The following SNX1 variants were observed in gnomAD, a reference collection of about 807,000 sequenced individuals.
The protein encoded by SNX1 is sorting nexin 1.
A neutral mutation model predicts 71.8 loss-of-function variants in SNX1; 36 were observed. The ratio of observed to expected loss-of-function variants is 0.50; its 90% CI spans 0.38 to 0.66. The LOEUF is 0.66. Among genes scored for constraint, SNX1 ranks in the 30% least tolerant of loss-of-function variants. The pLI, the probability that SNX1 is intolerant of heterozygous loss-of-function variation, is 0.00. For synonymous variants in SNX1, 254 were observed against 240.7 expected, an observed-to-expected ratio of 1.06 and a Z score of -0.51; for missense variants, 612 against 646.7, an observed-to-expected ratio of 0.95 and a Z score of 0.58.
chr15:64,128,204 C>A (rs563504459), intron 8 of SNX1, among the ~76,000 whole-genome samples: 2 of 152,208 alleles, frequency 1.3e-5, no homozygotes, highest in Non-Finnish European at 2.9e-5. Flanking sequence ...TAGACAGTCT[C>A]TTTCACAGGC....
At position 64,140,323 on chromosome 15, in the gene SNX1, G is replaced by A. The variant is rs1249589962; in HGVS notation, c.*2705G>A. The A allele has an allele frequency of 6.6e-6, 1 of 152,180 alleles. No homozygotes were observed. The highest frequency in any genetic ancestry group is 1.5e-5 in the Non-Finnish European group (1 of 68,032). The allele number at this position is 152,180 out of a possible 1,614,324, so 9.4% of individuals were successfully genotyped here. A position where few individuals can be genotyped will look rare whatever the true frequency, so the allele number is the denominator to read the frequency against. ...ACTTGTTTATCAATATGGATGCAGG[G>A]ATTCCTGTTTTACTCAGAGTTGCAA... On this transcript the variant is annotated 3_prime_UTR_variant, in exon 15 of 15. Transcript: ENST00000559844.
chr15:64,111,549 C>A (rs762493647), intron 1 of SNX1: 1 of 152,184 alleles, frequency 6.6e-6, no homozygotes, highest in Non-Finnish European at 1.5e-5. Flanking sequence ...ATTGAGATAA[C>A]TCACTACCTT....
Position 64,134,677 on chromosome 15 carries a change from A to G in SNX1, c.1235A>G (p.Gln412Arg), listed in dbSNP as rs1469342280. 1 of 1,612,232 alleles carries G rather than the reference A, an allele frequency of 6.2e-7. No homozygotes were observed. The highest frequency in any genetic ancestry group is 1.7e-5 in the Admixed American group (1 of 59,946). ...LLAIVRAAFD[Q>R]RMKTWQRWQD... ...CCACCCCCACAGGCTGCCTTCGACCAGCGCATGAAGACATGGCAGCGCTGG... is the reference window on the plus strand; with the variant it reads ...CCACCCCCACAGGCTGCCTTCGACCGGCGCATGAAGACATGGCAGCGCTGG... Residue 412 changes from glutamine (Q) to arginine (R), a missense_variant, in exon 12 of 15, where the codon CAG becomes CGG. Gln to Arg is a conservative substitution (Grantham distance 43). Coordinates refer to ENST00000559844, the MANE Select transcript of SNX1 (RefSeq NM_003099.5). The surrounding 1 kb of genome is among the most constrained non-coding windows in gnomAD (Gnocchi z 4.1).
chr15:64,136,833 A>G, intron 13 of SNX1, 28 bp from the exon 14 acceptor site: 1 of 1,583,956 alleles, frequency 6.3e-7, no homozygotes, highest in Non-Finnish European at 8.7e-7. Context: ...CAAAAACTGG[A>G]TGGTCAGTGT....
chr15:64,123,013 G>A (rs2081211434), intron 4 of SNX1, among the ~76,000 whole-genome samples: 1 of 152,148 alleles, frequency 6.6e-6, no homozygotes, highest in African/African-American at 2.4e-5. Context: ...AATGGAGGGG[G>A]TTGTGACGAT....
rs1265948109 is a variant in SNX1, at chr15:64,112,677, C to G, written c.264C>G (p.Leu88=). 12 of 1,609,502 alleles carry G rather than the reference C, an allele frequency of 7.5e-6. No individual in the cohort carries two copies. Among genetic ancestry groups the G allele is most frequent in the Middle Eastern group, 1.7e-4 (1 of 6,054 alleles). Residue 88 remains leucine (L), a synonymous_variant, in exon 2 of 15, where the codon CTC becomes CTG. Transcript: ENST00000559844. ...AACAAGACCAAGAGCCACAGGATCTCTTTGCAGGCAAGTTTGGACTCAAAA... is the reference window on the plus strand; with the variant it reads ...AACAAGACCAAGAGCCACAGGATCTGTTTGCAGGCAAGTTTGGACTCAAAA... ...HEEQDQEPQD[L]FADATVELSL...
chr15:64,136,258 G>A (rs563780603), intron 12 of SNX1, 72 bp from the exon 13 acceptor site: 21 of 1,193,206 alleles, frequency 1.8e-5, no homozygotes, highest in Non-Finnish European at 2.4e-5. Context: ...ATGTAAAATC[G>A]CTGTCCAAAT....
intron 6 of SNX1, among the ~76,000 whole-genome samples, chr15:64,126,696 C>T (rs555433900): frequency 1.7e-4 from 26 of 152,296 alleles, no homozygotes; most frequent in Non-Finnish European, 3.8e-4. Flanking sequence ...TCTCCTGCCT[C>T]AGCCTCCCGC....
intron 4 of SNX1, among the ~76,000 whole-genome samples, chr15:64,119,410 C>T (rs1333230320): frequency 6.6e-6 from 1 of 152,152 alleles, no homozygotes; most frequent in East Asian, 1.9e-4. Flanking sequence ...GCATGAGCCA[C>T]CGCACCCAGC....
intron 5 of SNX1, among the ~76,000 whole-genome samples, chr15:64,125,129 T>G (rs1010173348): frequency 1.3e-5 from 2 of 152,176 alleles, no homozygotes; most frequent in African/African-American, 4.8e-5. Context: ...TTGTCTGTCT[T>G]TAGTTTGGCT....
chr15:64,139,974 C>T lies in SNX1; in HGVS notation c.*2356C>T, dbSNP rs1035450257. ...TCACAGAAGCAGTGTGTCGTCAGTG[C>T]GTCGTAATCAGCATATAATGTCAGT... On this transcript the variant is annotated 3_prime_UTR_variant, in exon 15 of 15. Coordinates refer to ENST00000559844, the MANE Select transcript of SNX1 (RefSeq NM_003099.5). The T allele has an allele frequency of 6.6e-5, 10 of 152,048 alleles. No individual in the cohort carries two copies. Among genetic ancestry groups the T allele is most frequent in the African/African-American group, 2.2e-4 (9 of 41,366 alleles). The allele number at this position is 152,048 out of a possible 1,614,324, so 9.4% of individuals were successfully genotyped here.
chr15:64,137,977 G>T lies in SNX1; in HGVS notation c.*359G>T. 2 of 1,456,978 alleles carry T rather than the reference G, an allele frequency of 1.4e-6. No homozygotes were observed. The highest frequency in any genetic ancestry group is 1.8e-6 in the Non-Finnish European group (2 of 1,112,808). The allele number at this position is 1,456,978 out of a possible 1,614,324, so 90.3% of individuals were successfully genotyped here. On this transcript the variant is annotated 3_prime_UTR_variant, in exon 15 of 15. Coordinates refer to ENST00000559844, the MANE Select transcript of SNX1 (RefSeq NM_003099.5). ...GTTACTCCTGATGGTGCCATGAAAAGGTTATGTAATAAAATATTTTAAAAT... is the reference window on the plus strand; with the variant it reads ...GTTACTCCTGATGGTGCCATGAAAATGTTATGTAATAAAATATTTTAAAAT...
chr15:64,129,053 C>A lies in SNX1; in HGVS notation c.808-863C>A, dbSNP rs899393878. On this transcript the variant is annotated intron_variant, in intron 8 of 14. Coordinates refer to ENST00000559844, the MANE Select transcript of SNX1 (RefSeq NM_003099.5). This position sits in a 1 kb window ranked among gnomAD's most constrained non-coding sequence, Gnocchi z 4.4. ...CCTGAGGTCAGGAGTTCGAGACCAG[C>A]CTGGCCAACATGGCAAAATCCTGTC... is the stretch of plus-strand genomic sequence containing the variant. Among the ~76,000 whole-genome samples, 6 of 152,136 alleles carry A rather than the reference C, an allele frequency of 3.9e-5. No individual in the cohort carries two copies. Among genetic ancestry groups the A allele is most frequent in the South Asian group, 2.1e-4 (1 of 4,834 alleles).
At chr15:64,113,351 A>G (rs1328691456) in intron 2 of SNX1, among the ~76,000 whole-genome samples, 2 of 152,070 alleles carry the variant, frequency 1.3e-5, no homozygotes, top group Non-Finnish European at 1.5e-5. Context: ...CCCAGAAGAC[A>G]TTTGGAAATG....
At position 64,142,898 on chromosome 15, in the gene SNX1, C is replaced by G. The variant is rs2081429132; in HGVS notation, c.*5280C>G. 2 of 278,084 alleles carry G rather than the reference C, an allele frequency of 7.2e-6. No individual in the cohort carries two copies. Among genetic ancestry groups the G allele is most frequent in the African/African-American group, 2.3e-5 (1 of 44,410 alleles). 17.2% of individuals were successfully genotyped at this position (278,084 alleles called of 1,614,324 possible). A position where few individuals can be genotyped will look rare whatever the true frequency, so the allele number is the denominator to read the frequency against. On this transcript the variant is annotated 3_prime_UTR_variant, in exon 15 of 15. Transcript: ENST00000559844. ...TTCTGAATGCTCCTGTAGCTAGGAACCCTAAAAAGTCTTTGAAGCAACTCA... is the reference window on the plus strand; with the variant it reads ...TTCTGAATGCTCCTGTAGCTAGGAAGCCTAAAAAGTCTTTGAAGCAACTCA...
chr15:64,134,588 G>A lies in SNX1; in HGVS notation c.1222-76G>A. On this transcript the variant is annotated intron_variant, in intron 11 of 14. Transcript: ENST00000559844. The surrounding 1 kb of genome is among the most constrained non-coding windows in gnomAD (Gnocchi z 4.1). ...AGTCTGTCCCTGGTGCAGCTGCTGG[G>A]AGAGCCTGCCTCGAGGCAGAGCCAG... The A allele has an allele frequency of 6.6e-7, 1 of 1,519,820 alleles. No individual in the cohort carries two copies. Among genetic ancestry groups the A allele is most frequent in the Non-Finnish European group, 8.9e-7 (1 of 1,124,410 alleles). 94.1% of individuals were successfully genotyped at this position (1,519,820 alleles called of 1,614,324 possible). A position where few individuals can be genotyped will look rare whatever the true frequency, so the allele number is the denominator to read the frequency against.
intron 1 of SNX1, 89 bp from the exon 2 acceptor site, chr15:64,112,484 A>T: frequency 1.3e-5 from 10 of 741,376 alleles, no homozygotes; most frequent in Non-Finnish European, 2.3e-5. Flanking sequence ...ACTGGTGGCA[A>T]CTGAGGGAGG....
intron 2 of SNX1, among the ~76,000 whole-genome samples, chr15:64,113,915 C>G (rs901756216): frequency 1.3e-5 from 2 of 151,954 alleles, no homozygotes; most frequent in African/African-American, 2.4e-5. Context: ...AAAAGGGGCC[C>G]CATGGTTGGG....
intron 4 of SNX1, among the ~76,000 whole-genome samples, chr15:64,119,582 G>C (rs949878620): frequency 5.3e-5 from 8 of 152,106 alleles, no homozygotes; most frequent in Non-Finnish European, 1.2e-4. Flanking sequence ...AAATTGACCA[G>C]GCATGGTGGT....
Sources: gnomAD v4.1 joint callset for allele counts (sites outside exome capture counted in the v4.1 genomes callset) on GRCh38, gnomAD v4.1.1 for gene constraint, Gnocchi (gnomAD v3.1) non-coding constraint, MANE v1.5 for transcripts, NCBI Gene and HGNC (gene_info 2026-07-23, HGNC 2026-07-21) for gene names.